Variants in GABRP observed in about 807,000 individuals in gnomAD.
The protein encoded by GABRP is gamma-aminobutyric acid receptor subunit pi.
A neutral mutation model predicts 47.8 loss-of-function variants in GABRP; 52 were observed. The observed-to-expected ratio is 1.09, with a 90% CI of 0.87 to 1.37. The LOEUF (loss-of-function observed/expected upper bound fraction) is 1.37, where lower values mean the gene tolerates loss of function less well. GABRP is among the 40% of genes most tolerant of loss of function. The pLI, the probability that GABRP is intolerant of heterozygous loss-of-function variation, is 0.00. For missense variants in GABRP, 525 were observed against 542.8 expected, an observed-to-expected ratio of 0.97 and a Z score of 0.33; for synonymous variants, 221 against 205.8, an observed-to-expected ratio of 1.07 and a Z score of -0.63.
At chr5:170,788,702 T>C in intron 2 of GABRP, 34 bp downstream of exon 2, 2 of 1,603,560 alleles carry the variant, frequency 1.2e-6, no homozygotes, top group Non-Finnish European at 1.7e-6. Context: ...GGCCTCCATC[T>C]GCGTTGCTTT....
chr5:170,811,893 T>C, intron 9 of GABRP, 63 bp from the exon 10 acceptor site: 1 of 1,448,760 alleles, frequency 6.9e-7, no homozygotes, highest in Non-Finnish European at 9.5e-7. Context: ...TATTAGCTCA[T>C]TACCTACTTA....
intron 1 of GABRP, among the ~76,000 whole-genome samples, chr5:170,785,143 G>A (rs1025957324): frequency 3.9e-5 from 6 of 152,206 alleles, no homozygotes; most frequent in Non-Finnish European, 7.3e-5. Context: ...GGGAGTGATG[G>A]CATCAGCTGC....
At chr5:170,809,994 T>C (rs1379767111) in intron 9 of GABRP, 1 of 701,960 alleles carries the variant, frequency 1.4e-6, no homozygotes, top group Non-Finnish European at 2.6e-6. Context: ...AGAAAATATG[T>C]TATCTGTATG....
chr5:170,800,082 C>G (rs890866171), intron 6 of GABRP, among the ~76,000 whole-genome samples: 18 of 152,324 alleles, frequency 1.2e-4, no homozygotes, highest in African/African-American at 4.1e-4. Flanking sequence ...TGCTACCTGA[C>G]TTCAAACAAT....
At chr5:170,798,970 C>T (rs1581598580) in intron 6 of GABRP, among the ~76,000 whole-genome samples, 1 of 148,730 alleles carries the variant, frequency 6.7e-6, no homozygotes, top group African/African-American at 2.5e-5. Flanking sequence ...CCTGTGTTCC[C>T]CTTCCTGTGT....
chr5:170,802,861 C>G lies in GABRP; in HGVS notation c.542-2855C>G, dbSNP rs576570691. Reference sequence around the variant, plus strand: ...TACCATCCCCAGTGAGCGGAGGGAGCTTTCTCTGAATGTTTATTAGCAGTG... The same window carrying G: ...TACCATCCCCAGTGAGCGGAGGGAGGTTTCTCTGAATGTTTATTAGCAGTG... On this transcript the variant is annotated intron_variant, in intron 6 of 9. Transcript: ENST00000265294. Among the ~76,000 whole-genome samples the G allele has an allele frequency of 2.0e-3, 268 of 132,576 alleles. 5 individuals are homozygous for G. In the East Asian group the frequency reaches 0.055, roughly 27 times the overall value. The allele number at this position is 132,576 out of a possible 152,430, so 87.0% of individuals were successfully genotyped here.
chr5:170,807,930 T>C (rs540904078), intron 7 of GABRP, among the ~76,000 whole-genome samples: 1 of 152,182 alleles, frequency 6.6e-6, no homozygotes, highest in Non-Finnish European at 1.5e-5. Context: ...TCCACACCAG[T>C]GCTGGCCACT....
intron 5 of GABRP, among the ~76,000 whole-genome samples, chr5:170,797,231 T>A (rs1325034021): frequency 3.3e-5 from 5 of 152,258 alleles, no homozygotes; most frequent in African/African-American, 9.6e-5. Context: ...CCAGAAGTTT[T>A]GCCCCTTGAA....
At chr5:170,799,729 G>A (rs1253633385) in intron 6 of GABRP, among the ~76,000 whole-genome samples, 1 of 152,094 alleles carries the variant, frequency 6.6e-6, no homozygotes, top group Non-Finnish European at 1.5e-5. Context: ...CATTCTGTAG[G>A]TTGCCTGTTC....
chr5:170,808,671 G>A lies in GABRP; in HGVS notation c.751G>A (p.Val251Ile), dbSNP rs373064332. The change falls in exon 8 of 10, where the codon GTT becomes ATT. Residue 251 changes from valine to isoleucine, a missense_variant. Val to Ile is a conservative substitution (Grantham distance 29). Transcript: ENST00000265294. Reference protein sequence around the residue: ...NVLYFILETYVPSTFLVVLSW... With the variant: ...NVLYFILETYIPSTFLVVLSW... ...TCTGTATTTCATTTTGGAAACCTAC[G>A]TTCCTTCCACTTTCCTGGTGGTGTT... is the stretch of plus-strand genomic sequence containing the variant. The A allele has an allele frequency of 2.7e-5, 44 of 1,613,808 alleles. No individual in the cohort carries two copies. The highest frequency in any genetic ancestry group is 2.0e-4 in the African/African-American group (15 of 74,898).
At chr5:170,782,897 T>C (rs959927230), upstream of GABRP, 10 of 152,396 alleles carry the variant, frequency 6.6e-5, no homozygotes, top group African/African-American at 2.4e-4. Context: ...TCCCTCCCCT[T>C]ACCTGCATGG....
At chr5:170,807,983 T>C (rs1475867455) in intron 7 of GABRP, among the ~76,000 whole-genome samples, 1 of 152,166 alleles carries the variant, frequency 6.6e-6, no homozygotes, top group African/African-American at 2.4e-5. Context: ...GGAGCAGAGC[T>C]TGGGACTCTA....
intron 3 of GABRP, among the ~76,000 whole-genome samples, chr5:170,793,110 G>C (rs996511212): frequency 1.3e-5 from 2 of 152,058 alleles, no homozygotes; most frequent in East Asian, 3.9e-4. Flanking sequence ...GGCTAGGCAG[G>C]CACTTCTCTT....
rs1561804267 is a variant in GABRP, at chr5:170,783,905, T to TAG, written c.-43+31_-43+32insAG. The TAG allele has an allele frequency of 6.7e-4, 102 of 152,336 alleles. 2 individuals carry two copies. The East Asian group carries it at 0.016, about 25-fold the overall frequency. The allele number at this position is 152,336 out of a possible 1,614,324, so 9.4% of individuals were successfully genotyped here. A position where few individuals can be genotyped will look rare whatever the true frequency, so the allele number is the denominator to read the frequency against. Reference sequence around the variant, plus strand: ...GAAACTGCTGGCCCCTCCAGGTGTCTGGAGAGAGGGGAGGGAGGGAGATCC... The same window carrying TAG: ...GAAACTGCTGGCCCCTCCAGGTGTCTAGGGAGAGAGGGGAGGGAGGGAGATCC... On this transcript the variant is annotated intron_variant, in intron 1 of 9. Transcript: ENST00000265294.
At chr5:170,808,951 T>C (rs1213004503) in intron 8 of GABRP, among the ~76,000 whole-genome samples, 199 bp downstream of exon 8, 1 of 152,108 alleles carries the variant, frequency 6.6e-6, no homozygotes, top group East Asian at 1.9e-4. Context: ...TGTTTTTTTT[T>C]TGGAGACAGA....
chr5:170,807,116 T>C (rs769083034), intron 7 of GABRP, among the ~76,000 whole-genome samples: 2 of 151,842 alleles, frequency 1.3e-5, no homozygotes, highest in African/African-American at 2.4e-5. Flanking sequence ...GCCTGGGTAA[T>C]GTTTTGTATT....
At chr5:170,797,203 G>A (rs1422373707) in intron 5 of GABRP, among the ~76,000 whole-genome samples, 1 of 152,248 alleles carries the variant, frequency 6.6e-6, no homozygotes. Flanking sequence ...CAATGCATCT[G>A]TCTGTTCTGT....
intron 6 of GABRP, among the ~76,000 whole-genome samples, chr5:170,804,591 TC>T (rs1450898913): frequency 2.6e-5 from 4 of 152,304 alleles, no homozygotes; most frequent in African/African-American, 7.2e-5. Flanking sequence ...GATTTGCATT[TC>T]CCTAATGACT....
rs762424354 is a variant in GABRP, at chr5:170,805,816, G to A, written c.642G>A (p.Arg214=). 5.0e-6 allele frequency: 8 copies of A among 1,614,048 alleles called. No homozygotes were observed. Among genetic ancestry groups the A allele is most frequent in the Middle Eastern group, 1.6e-4 (1 of 6,082 alleles). Residue 214 remains arginine, a synonymous_variant, in exon 7 of 10, where the codon CGG becomes CGA. Transcript: ENST00000265294. ...GGCTTGCTCAGTACACCATAGAGCG[G>A]TATTTCACCTTAGTCACCAGATCGC... The part of the protein sequence containing the change: ...HLRLAQYTIE[R]YFTLVTRSQQ...
Sources: gnomAD v4.1 joint callset for allele counts (sites outside exome capture counted in the v4.1 genomes callset) on GRCh38, gnomAD v4.1.1 for gene constraint, MANE v1.5 for transcripts, NCBI Gene and HGNC (gene_info 2026-07-23, HGNC 2026-07-21) for gene names.